EIF4G3: variants seen among roughly 807,000 people sequenced by gnomAD.
The protein encoded by EIF4G3 is eIF-4-gamma 3.
Under a neutral mutation model 186.4 loss-of-function variants are expected in EIF4G3, and 34 were observed. The ratio of observed to expected loss-of-function variants is 0.18; its 90% confidence interval spans 0.14 to 0.24. The LOEUF (loss-of-function observed/expected upper bound fraction) is 0.24, where lower values mean the gene tolerates loss of function less well. EIF4G3 is among the 10% of genes least tolerant of loss of function. EIF4G3 has a pLI of 1.00. For synonymous variants in EIF4G3, 673 were observed against 679.5 expected (o/e 0.99, Z 0.15); for missense variants, 1,536 against 1,948.5 (o/e 0.79, Z 3.99).
intron 2 of EIF4G3, among the ~76,000 whole-genome samples, chr1:21,103,333 G>A (rs949440487): frequency 2.0e-5 from 3 of 152,026 alleles, no homozygotes; most frequent in African/African-American, 7.2e-5. Flanking sequence ...AGGAGGCAAG[G>A]AGGCAACCAA....
At chr1:20,943,977 TGTG>T (rs1558363829) in intron 13 of EIF4G3, among the ~76,000 whole-genome samples, 12 of 34,894 alleles carry the variant, frequency 3.4e-4, no homozygotes, top group African/African-American at 9.4e-4. Context: ...ATTTTTTTTG[TGTG>T]TGTGTGTGTG....
In EIF4G3 at chr1:21,039,067, T is replaced by C. The variant is rs541802256; in HGVS notation, c.-67+11799A>G. On this transcript the variant is annotated intron_variant, in intron 4 of 36. Transcript: ENST00000602326. ...AAAACTTACTACAAAGCTACAAGAA[T>C]CAAGTCAGTATGGTACTGGCATACA... Among the ~76,000 whole-genome samples the C allele has an allele frequency of 3.3e-5, 5 of 152,174 alleles. No individual in the cohort carries two copies. The East Asian group carries it at 9.6e-4, about 29-fold the overall frequency.
chr1:20,981,500 A>T (rs2077978345), intron 8 of EIF4G3, among the ~76,000 whole-genome samples: 1 of 79,790 alleles, frequency 1.3e-5, no homozygotes, highest in Admixed American at 1.2e-4. Flanking sequence ...ATACATGTAT[A>T]CGCACATACT....
chr1:20,942,116 T>C lies in EIF4G3; in HGVS notation c.1038A>G (p.Gln346=), dbSNP rs747162890. 1.9e-6 allele frequency: 3 copies of C among 1,614,046 alleles called. No individual in the cohort carries two copies. The highest frequency in any genetic ancestry group is 2.2e-5 in the East Asian group (1 of 44,888). The change falls in exon 14 of 37, where the codon CAA becomes CAG. Residue 346 remains glutamine, a synonymous_variant. Transcript: ENST00000602326. ...AAPTSSALSS[Q]PIFTTAIDDR... is the part of the protein sequence containing the mutation. The stretch of plus-strand genomic sequence containing the variant: ...CATCTATAGCAGTGGTGAATATTGG[T>C]TGGCTACTAAGAGCAGAAGAGGTGG...
At chr1:20,949,973 T>C (rs1406606181) in intron 13 of EIF4G3, 30 bp downstream of exon 13, 3 of 1,556,670 alleles carry the variant, frequency 1.9e-6, no homozygotes, top group Admixed American at 1.7e-5. Context: ...AGACTAAAGA[T>C]AAGAGGGAGG....
chr1:20,876,794 T>G (rs567637930), intron 20 of EIF4G3, among the ~76,000 whole-genome samples: 2 of 152,086 alleles, frequency 1.3e-5, no homozygotes, highest in Non-Finnish European at 2.9e-5. Context: ...CTAGGAGTTT[T>G]TGAGACCAAT....
chr1:21,002,690 G>C (rs755715284), intron 5 of EIF4G3, 23 bp downstream of exon 5: 3 of 1,610,912 alleles, frequency 1.9e-6, no homozygotes, highest in Non-Finnish European at 2.5e-6. Context: ...AATGTAATTT[G>C]GTTCAAGCTT....
intron 4 of EIF4G3, among the ~76,000 whole-genome samples, chr1:21,045,856 T>C (rs1216772907): frequency 6.6e-6 from 1 of 152,134 alleles, no homozygotes; most frequent in Admixed American, 6.5e-5. Flanking sequence ...AAAATAGTTT[T>C]ATAATTTTCC....
chr1:20,823,555 T>C (rs774522173), intron 33 of EIF4G3, among the ~76,000 whole-genome samples: 1 of 152,026 alleles, frequency 6.6e-6, no homozygotes, highest in Non-Finnish European at 1.5e-5. Context: ...TATTTTTTTT[T>C]AGTAGAGACA....
chr1:21,135,240 C>G (rs1238543198), intron 2 of EIF4G3, among the ~76,000 whole-genome samples: 1 of 152,224 alleles, frequency 6.6e-6, no homozygotes, highest in East Asian at 1.9e-4. Context: ...TGGCTCACGC[C>G]TGTAATCCCA....
Position 20,980,355 on chromosome 1 carries a change from C to A in EIF4G3, c.472G>T (p.Gly158Trp). ...PGPFYPGPGP[G>W]DFPNAYGTPF... Reference sequence around the variant, plus strand: ...TTACCATAAGCATTGGGGAAGTCCCCAGGTCCTGGTCCAGGATAAAAAGGA... The same window carrying A: ...TTACCATAAGCATTGGGGAAGTCCCAAGGTCCTGGTCCAGGATAAAAAGGA... Residue 158 changes from glycine (G) to tryptophan (W), a missense_variant, in exon 10 of 37, where the codon GGG (glycine) becomes TGG (tryptophan). Gly to Trp is a radical substitution (Grantham distance 184). This residue lies in a region of EIF4G3 where 194 missense variants were observed against 212.8 expected (regional missense o/e 0.91). Coordinates refer to ENST00000602326, the MANE Select transcript of EIF4G3 (RefSeq NM_001391906.1). 6.4e-7 allele frequency: 1 copy of A among 1,551,168 alleles called. No homozygotes were observed. The highest frequency in any genetic ancestry group is 8.6e-7 in the Non-Finnish European group (1 of 1,159,652).
chr1:20,809,248 CT>C (rs1186750596), intron 36 of EIF4G3, among the ~76,000 whole-genome samples: 1 of 152,096 alleles, frequency 6.6e-6, no homozygotes, highest in East Asian at 1.9e-4. Flanking sequence ...AAAGACTTAT[CT>C]TTGTAATTAT....
rs902998173 is a variant in EIF4G3, at chr1:21,060,028, G to A, written c.-195-9034C>T. On this transcript the variant is annotated intron_variant, in intron 3 of 36. Transcript: ENST00000602326. ...AGTGGCCCGATCTCGGCTCACTGCA[G>A]GTTCCACCTACCTCCCAGGCTCAAG... Among the ~76,000 whole-genome samples the A allele has an allele frequency of 8.5e-5, 13 of 152,170 alleles. 1 individual carries two copies. Among genetic ancestry groups the A allele is most frequent in the African/African-American group, 3.1e-4 (13 of 41,440 alleles).
Position 20,941,677 on chromosome 1 carries a change from T to A in EIF4G3, c.1477A>T (p.Thr493Ser), listed in dbSNP as rs2095718785. 6.2e-7 allele frequency: 1 copy of A among 1,613,372 alleles called. No individual in the cohort carries two copies. Among genetic ancestry groups the A allele is most frequent in the Admixed American group, 1.7e-5 (1 of 59,892 alleles). ...GCAGCACTCGGAGAACTAACAGTAGTGGCAGCAGCAGGAACAATGACTGGA... is the reference window on the plus strand; with the variant it reads ...GCAGCACTCGGAGAACTAACAGTAGAGGCAGCAGCAGGAACAATGACTGGA... ...HTPVIVPAAA[T>S]TVSSPSAAIT... The change falls in exon 14 of 37, where the codon ACT becomes TCT. Residue 493 changes from threonine (T) to serine (S), a missense_variant. This residue lies in a region of EIF4G3 where 560 missense variants were observed against 547.8 expected (regional missense o/e 1.02). Coordinates refer to ENST00000602326, the MANE Select transcript of EIF4G3 (RefSeq NM_001391906.1).
chr1:20,956,827 C>T (rs919004253), intron 12 of EIF4G3, among the ~76,000 whole-genome samples: 1 of 152,054 alleles, frequency 6.6e-6, no homozygotes, highest in Non-Finnish European at 1.5e-5. Flanking sequence ...GGCTGGTGAA[C>T]TCCTGGGCTC....
At chr1:21,044,970 C>CA (rs1432767305) in intron 4 of EIF4G3, among the ~76,000 whole-genome samples, 3 of 151,956 alleles carry the variant, frequency 2.0e-5, no homozygotes, top group Non-Finnish European at 4.4e-5. Context: ...CCCATCTCTG[C>CA]AAAAAATTAA....
intron 14 of EIF4G3, among the ~76,000 whole-genome samples, chr1:20,938,291 G>T (rs1018825505): frequency 2.6e-5 from 4 of 152,104 alleles, no homozygotes; most frequent in African/African-American, 9.7e-5. Flanking sequence ...CACCGCGCCC[G>T]GCCTCAACTG....
chr1:20,952,927 A>G (rs779320519), intron 12 of EIF4G3, among the ~76,000 whole-genome samples: 1 of 152,224 alleles, frequency 6.6e-6, no homozygotes, highest in Non-Finnish European at 1.5e-5. Context: ...AAGAAAAAAT[A>G]ATGATGAACT....
chr1:21,013,911 T>C (rs1182702091), intron 4 of EIF4G3, among the ~76,000 whole-genome samples: 1 of 152,226 alleles, frequency 6.6e-6, no homozygotes, highest in African/African-American at 2.4e-5. Context: ...AGCTCATGCC[T>C]GTAATCCCAG....
Sources: allele counts gnomAD v4.1 joint callset (sites outside exome capture counted in the v4.1 genomes callset), GRCh38; gene constraint gnomAD v4.1.1; regional missense constraint gnomAD v4.1.1; transcripts MANE v1.5; gene names NCBI Gene and HGNC (gene_info 2026-07-23, HGNC 2026-07-21).